Variants in MYH8 observed in about 807,000 individuals in gnomAD.
The protein encoded by MYH8 is myosin-8.
Under a neutral mutation model 233.2 loss-of-function variants are expected in MYH8, and 168 were observed. That is an observed-to-expected ratio of 0.72 (90% CI 0.64 to 0.82). The LOEUF is 0.82. Among genes scored for constraint, MYH8 ranks in the 40% least tolerant of loss-of-function variants. The probability of loss-of-function intolerance (pLI) is 0.00; values close to 1 mark genes in which losing one functional copy is unlikely to be tolerated. For synonymous variants in MYH8, 785 were observed against 850.6 expected (o/e 0.92, Z 1.34); for missense variants, 1,995 against 2,327.8 (o/e 0.86, Z 2.94).
At chr17:10,394,035 A>T (rs1011546956) in intron 35 of MYH8, among the ~76,000 whole-genome samples, 1 of 112,006 alleles carries the variant, frequency 8.9e-6, no homozygotes, top group Non-Finnish European at 1.8e-5. Context: ...AGGGGTAGAA[A>T]CCCCAAGAAA....
Position 10,411,052 on chromosome 17 carries a change from G to A in MYH8, c.1417-105C>T, listed in dbSNP as rs568735282. 2.2e-5 allele frequency: 34 copies of A among 1,575,626 alleles called. 1 individual carries two copies. The highest frequency in any genetic ancestry group is 3.5e-4 in the Middle Eastern group (2 of 5,762). ...GAAAAAATGTGGAATGTAGTAATGA[G>A]ATACAGTTAAAACTAACGTTGCTCC... is the stretch of plus-strand genomic sequence containing the variant. On this transcript the variant is annotated intron_variant, in intron 14 of 39. Coordinates refer to ENST00000403437, the MANE Select transcript of MYH8 (RefSeq NM_002472.3).
rs772819714 is a variant in MYH8 at position 10,406,155 on chromosome 17, A to G, written c.2318T>C (p.Leu773Pro). ...HTKVFFKAGLLGLLEEMRDEK... is the reference protein window; with the variant it reads ...HTKVFFKAGLPGLLEEMRDEK... ...ATCTCTCATTTCTTCCAGAAGACCC[A>G]GAAGTCCAGCTTTGAAGAAAACCTG... The change falls in exon 21 of 40, where the codon CTG becomes CCG. Residue 773 changes from leucine (L) to proline (P), a missense_variant. Around this residue, in one of 3 missense-constraint regions of MYH8, gnomAD observed 1,498 missense variants for 1,680.9 expected, o/e 0.89. Transcript: ENST00000403437. 2 of 1,614,168 alleles carry G rather than the reference A, an allele frequency of 1.2e-6. No individual in the cohort carries two copies. Among genetic ancestry groups the G allele is most frequent in the Non-Finnish European group, 1.7e-6 (2 of 1,180,020 alleles).
Position 10,396,500 on chromosome 17 carries a change from A to G in MYH8, c.4529-46T>C. Reference sequence around the variant, plus strand: ...GAGAAATGGTCAGAAAGATGGCAACATGGAAAGGTCCTCCCAGGGATATAT... The same window carrying G: ...GAGAAATGGTCAGAAAGATGGCAACGTGGAAAGGTCCTCCCAGGGATATAT... On this transcript the variant is annotated intron_variant, in intron 32 of 39. Coordinates refer to ENST00000403437, the MANE Select transcript of MYH8 (RefSeq NM_002472.3). The surrounding 1 kb of genome is among the most constrained non-coding windows in gnomAD (Gnocchi z 4.2). The G allele has an allele frequency of 6.2e-7, 1 of 1,614,024 alleles. No individual in the cohort carries two copies. The highest frequency in any genetic ancestry group is 2.2e-5 in the East Asian group (1 of 44,884).
rs1289874840 is a variant in MYH8, at chr17:10,413,895, TTGG to T, written c.1147+4_1147+6del. 1.2e-6 allele frequency: 2 copies of T among 1,614,126 alleles called. No homozygotes were observed. The highest frequency in any genetic ancestry group is 3.3e-5 in the Admixed American group (2 of 60,024). ...TCATTAAACCCAGATAAAGTTTCAT[TTGG>T]TACCTTCTGTGCCATCTGGCTCAGC... On this transcript the variant is annotated splice_donor_5th_base_variant and intron_variant, in intron 12 of 39. Coordinates refer to ENST00000403437, the MANE Select transcript of MYH8 (RefSeq NM_002472.3).
intron 30 of MYH8, among the ~76,000 whole-genome samples, chr17:10,397,816 G>T (rs946848069): frequency 1.3e-5 from 2 of 152,082 alleles, no homozygotes; most frequent in Non-Finnish European, 2.9e-5. Context: ...AATCATTATA[G>T]TTGGACAATC....
chr17:10,392,292 A>T (rs2072033296), intron 38 of MYH8, among the ~76,000 whole-genome samples: 1 of 147,272 alleles, frequency 6.8e-6, no homozygotes, highest in African/African-American at 2.7e-5. Flanking sequence ...AGGCCAAACT[A>T]GGACTAATAC....
Position 10,404,340 on chromosome 17 carries a change from T to G in MYH8, c.2678A>C (p.Gln893Pro), listed in dbSNP as rs2072169123. The change falls in exon 22 of 40, where the codon CAG becomes CCG. Residue 893 changes from glutamine to proline, a missense_variant. Transcript: ENST00000403437. The stretch of plus-strand genomic sequence containing the variant: ...ATATGGAGTACTCACAGATTGAACC[T>G]GGAGTTGCAGGTCATTTTTCTCTTT... Reference protein sequence around the residue: ...LLKEKNDLQLQVQSEADSLAD... With the variant: ...LLKEKNDLQLPVQSEADSLAD... 6.2e-7 allele frequency: 1 copy of G among 1,613,908 alleles called. No individual in the cohort carries two copies. Among genetic ancestry groups the G allele is most frequent in the Non-Finnish European group, 8.5e-7 (1 of 1,179,902 alleles).
intron 30 of MYH8, among the ~76,000 whole-genome samples, chr17:10,398,063 A>G (rs2072095898): frequency 6.6e-6 from 1 of 152,146 alleles, no homozygotes; most frequent in Non-Finnish European, 1.5e-5. Flanking sequence ...AACCCTAAAC[A>G]TTATGTATGG....
chr17:10,405,906 G>T, intron 21 of MYH8, 135 bp downstream of exon 21: 1 of 1,064,422 alleles, frequency 9.4e-7, no homozygotes, highest in South Asian at 1.3e-5. Flanking sequence ...AGCAAAGGCT[G>T]CTGTGTTGTA....
Position 10,414,525 on chromosome 17 carries a change from A to G in MYH8, c.806-41T>C, listed in dbSNP as rs4791407. The G allele has an allele frequency of 0.45, 597,443 of 1,335,672 alleles. 142,074 individuals are homozygous for G. Among genetic ancestry groups the G allele is most frequent in the East Asian group, 0.85 (36,799 of 43,236 alleles). The allele number at this position is 1,335,672 out of a possible 1,614,324, so 82.7% of individuals were successfully genotyped here. A position where few individuals can be genotyped will look rare whatever the true frequency, so the allele number is the denominator to read the frequency against. The stretch of plus-strand genomic sequence containing the variant: ...GATATCGAGTTTGAAAAAAGTATCA[A>G]TGCTTCTGAGATAGTAAATGAACCT... On this transcript the variant is annotated intron_variant, in intron 9 of 39. Coordinates refer to ENST00000403437, the MANE Select transcript of MYH8 (RefSeq NM_002472.3).
chr17:10,409,693 G>T, intron 15 of MYH8, 105 bp from the exon 16 acceptor site: 1 of 1,453,710 alleles, frequency 6.9e-7, no homozygotes, highest in Non-Finnish European at 9.5e-7. Context: ...TTAAATATAT[G>T]TATGAAATAA....
At chr17:10,413,642 A>C (rs144149798) in intron 12 of MYH8, among the ~76,000 whole-genome samples, 228 of 152,148 alleles carry the variant, frequency 1.5e-3, no homozygotes, top group African/African-American at 5.4e-3. Context: ...CAGGAGCACT[A>C]TTATATCTCA....
intron 38 of MYH8, among the ~76,000 whole-genome samples, chr17:10,392,305 AG>A (rs1182424297): frequency 1.7e-5 from 2 of 117,512 alleles, no homozygotes; most frequent in Non-Finnish European, 3.3e-5. Context: ...ACTAATACCC[AG>A]TTAATCTGCC....
chr17:10,420,383 C>T, intron 2 of MYH8, 126 bp from the exon 3 acceptor site: 1 of 843,456 alleles, frequency 1.2e-6, no homozygotes, highest in Non-Finnish European at 1.9e-6. Context: ...ACTGGCACTC[C>T]CCAGTGTTCT....
rs1264819393 is a variant in MYH8 at position 10,406,766 on chromosome 17, T to C, written c.2095A>G (p.Asn699Asp). The change falls in exon 19 of 40, where the codon AAT becomes GAT. Residue 699 changes from asparagine to aspartate, a missense_variant. Coordinates refer to ENST00000403437, the MANE Select transcript of MYH8 (RefSeq NM_002472.3). The stretch of plus-strand genomic sequence containing the variant: ...ATGCGGATGCCTTCCAGCACACCAT[T>C]ACACCTCAGCTGGTGCAACACAAGT... ...HELVLHQLRC[N>D]GVLEGIRICR... 1 of 1,614,188 alleles carries C rather than the reference T, an allele frequency of 6.2e-7. No homozygotes were observed. The highest frequency in any genetic ancestry group is 8.5e-7 in the Non-Finnish European group (1 of 1,180,026).
chr17:10,420,710 T>C (rs1328904629), intron 2 of MYH8, among the ~76,000 whole-genome samples: 1 of 152,278 alleles, frequency 6.6e-6, no homozygotes, highest in Non-Finnish European at 1.5e-5. Context: ...CTTTGCCTTT[T>C]AAGATGGCCA....
At chr17:10,394,012 T>G (rs2072054749) in intron 35 of MYH8, among the ~76,000 whole-genome samples, 1 of 130,774 alleles carries the variant, frequency 7.6e-6, no homozygotes, top group Non-Finnish European at 1.6e-5. Context: ...TTTTTTTTTT[T>G]TTTTTTTTGG....
chr17:10,403,752 C>G (rs551276263), intron 22 of MYH8, among the ~76,000 whole-genome samples: 1 of 152,222 alleles, frequency 6.6e-6, no homozygotes, highest in Non-Finnish European at 1.5e-5. Context: ...CCAAAGTGTT[C>G]ATGCCAAACC....
In MYH8 at chr17:10,413,950, A is replaced by C; in HGVS notation, c.1099T>G (p.Phe367Val). 6.2e-7 allele frequency: 1 copy of C among 1,614,010 alleles called. No homozygotes were observed. The highest frequency in any genetic ancestry group is 8.5e-7 in the Non-Finnish European group (1 of 1,180,012). ...TGCTCCTCACGCTGCTTTTGCTTGAATTTCATGTTCCCATAATGCATCACA... is the reference window on the plus strand; with the variant it reads ...TGCTCCTCACGCTGCTTTTGCTTGACTTTCATGTTCCCATAATGCATCACA... The part of the protein sequence containing the change: ...GAVMHYGNMK[F>V]KQKQREEQAE... The change falls in exon 12 of 40, where the codon TTC becomes GTC. Residue 367 changes from phenylalanine to valine, a missense_variant. Phe to Val is a conservative substitution (Grantham distance 50). Coordinates refer to ENST00000403437, the MANE Select transcript of MYH8 (RefSeq NM_002472.3).
Sources: allele counts gnomAD v4.1 joint callset (sites outside exome capture counted in the v4.1 genomes callset), GRCh38; gene constraint gnomAD v4.1.1; regional missense constraint gnomAD v4.1.1; non-coding constraint Gnocchi (gnomAD v3.1); transcripts MANE v1.5; gene names NCBI Gene and HGNC (gene_info 2026-07-23, HGNC 2026-07-21).